Variants in CTIF observed in about 807,000 individuals in gnomAD.
The protein encoded by CTIF is CBP80/20-dependent translation initiation factor.
Under a neutral mutation model 66.0 loss-of-function variants are expected in CTIF, and 21 were observed. The observed-to-expected ratio is 0.32, with a 90% CI of 0.23 to 0.46. CTIF has a LOEUF of 0.46. Among genes scored for constraint, CTIF ranks in the 20% least tolerant of loss-of-function variants. The pLI is 1.00. For synonymous variants in CTIF, 345 were observed against 326.4 expected (o/e 1.06, Z -0.62); for missense variants, 739 against 812.7 (o/e 0.91, Z 1.10).
At chr18:48,806,335 C>T (rs1414681290) in intron 9 of CTIF, among the ~76,000 whole-genome samples, 3 of 152,132 alleles carry the variant, frequency 2.0e-5, no homozygotes, top group Non-Finnish European at 2.9e-5. Flanking sequence ...CATGGTCTGT[C>T]CCTCCCACAT....
At chr18:48,603,970 T>C (rs1355875016) in intron 1 of CTIF, among the ~76,000 whole-genome samples, 1 of 150,942 alleles carries the variant, frequency 6.6e-6, no homozygotes, top group Admixed American at 6.6e-5. Flanking sequence ...TGCCTCAGCC[T>C]CTCGAGTAGC....
intron 9 of CTIF, among the ~76,000 whole-genome samples, chr18:48,783,292 A>G (rs1237288614): frequency 3.3e-5 from 5 of 152,194 alleles, no homozygotes; most frequent in Non-Finnish European, 7.3e-5. Context: ...AATGACTTGA[A>G]AAGTCGTCGA....
intron 2 of CTIF, among the ~76,000 whole-genome samples, chr18:48,623,615 T>A (rs1209745942): frequency 6.7e-6 from 1 of 149,934 alleles, no homozygotes; most frequent in Non-Finnish European, 1.5e-5. Context: ...ACTCAGGGAA[T>A]GTTCCTGTCT....
chr18:48,699,688 G>A lies in CTIF; in HGVS notation c.508-11931G>A, dbSNP rs539621638. 7.9e-5 allele frequency among the ~76,000 whole-genome samples: 12 copies of A among 152,312 alleles called. No homozygotes were observed. In the East Asian group the frequency reaches 2.3e-3, roughly 29 times the overall value. On this transcript the variant is annotated intron_variant, in intron 6 of 11. Coordinates refer to ENST00000256413, the MANE Select transcript of CTIF (RefSeq NM_014772.3). ...CCCAGGGGTCTCCACATGCAGCGGG[G>A]CATTCTTGAGCTGGGCTGTCGACAT...
intron 3 of CTIF, among the ~76,000 whole-genome samples, chr18:48,657,819 C>G (rs2091269864): frequency 6.6e-6 from 1 of 152,142 alleles, no homozygotes; most frequent in South Asian, 2.1e-4. Context: ...AAATATAACT[C>G]CATACATGCT....
At chr18:48,644,188 T>G (rs1344606431) in intron 3 of CTIF, among the ~76,000 whole-genome samples, 2 of 152,174 alleles carry the variant, frequency 1.3e-5, no homozygotes, top group Non-Finnish European at 2.9e-5. Context: ...GTCATTCCTT[T>G]GTTTATTTAT....
At chr18:48,733,573 C>T (rs1015032558) in intron 7 of CTIF, among the ~76,000 whole-genome samples, 2 of 152,202 alleles carry the variant, frequency 1.3e-5, no homozygotes, top group Admixed American at 6.5e-5. Context: ...GGTCTCTGGC[C>T]CCCCTCCCTG....
intron 5 of CTIF, among the ~76,000 whole-genome samples, chr18:48,666,586 ACT>A (rs968841534): frequency 5.7e-4 from 86 of 151,798 alleles, no homozygotes; most frequent in African/African-American, 2.0e-3. Context: ...CTTGCATCCG[ACT>A]CTCCCAGGAG....
chr18:48,677,491 C>T (rs1207057861), intron 6 of CTIF, among the ~76,000 whole-genome samples: 2 of 152,194 alleles, frequency 1.3e-5, no homozygotes, highest in African/African-American at 4.8e-5. Context: ...CACTAGCGAA[C>T]ATTCACAGAG....
intron 9 of CTIF, among the ~76,000 whole-genome samples, chr18:48,806,027 C>G (rs1314692433): frequency 1.3e-5 from 2 of 152,160 alleles, no homozygotes; most frequent in Admixed American, 1.3e-4. Flanking sequence ...AGACATCAGA[C>G]CTAGTGGAGG....
Position 48,859,485 on chromosome 18 carries a change from G to C in CTIF, c.1723G>C (p.Ala575Pro). Residue 575 changes from alanine (A) to proline (P), a missense_variant, in exon 12 of 12, where the codon GCT (alanine) becomes CCT (proline). This residue lies in a region of CTIF where 210 missense variants were observed against 292.3 expected (regional missense o/e 0.72). Coordinates refer to ENST00000256413, the MANE Select transcript of CTIF (RefSeq NM_014772.3). ...SLLLEVIELH[A>P]NSWNPLTPPI... ...GCTCCTAGAGGTCATCGAGCTCCACGCTAACAGCTGGAACCCTCTGACGCC... is the reference window on the plus strand; with the variant it reads ...GCTCCTAGAGGTCATCGAGCTCCACCCTAACAGCTGGAACCCTCTGACGCC... The C allele has an allele frequency of 6.2e-7, 1 of 1,614,172 alleles. No individual in the cohort carries two copies. Among genetic ancestry groups the C allele is most frequent in the Non-Finnish European group, 8.5e-7 (1 of 1,180,044 alleles).
At chr18:48,737,436 C>T (rs2092512821) in intron 7 of CTIF, among the ~76,000 whole-genome samples, 1 of 152,240 alleles carries the variant, frequency 6.6e-6, no homozygotes, top group Admixed American at 6.5e-5. Flanking sequence ...AGCTGCTGCA[C>T]ATGGAATTCT....
chr18:48,671,320 G>A (rs1039019117), intron 6 of CTIF, among the ~76,000 whole-genome samples: 6 of 152,160 alleles, frequency 3.9e-5, no homozygotes, highest in Admixed American at 6.5e-5. Flanking sequence ...GAAACAGCAG[G>A]AGTCTAGCTG....
rs374167893 is a variant in CTIF at position 48,858,309 on chromosome 18, A to C, written c.1581+668A>C. ...ACTGAGGAGCTCAGAGGCCAGAAGC[A>C]CTGGGAGCCAGATGGCAGTCTTGGG... On this transcript the variant is annotated intron_variant, in intron 11 of 11. Coordinates refer to ENST00000256413, the MANE Select transcript of CTIF (RefSeq NM_014772.3). 8.5e-4 allele frequency among the ~76,000 whole-genome samples: 129 copies of C among 152,366 alleles called. 2 individuals are homozygous for C. The South Asian group carries it at 0.023, about 27-fold the overall frequency.
chr18:48,553,454 G>A (rs951152342), intron 1 of CTIF, among the ~76,000 whole-genome samples: 11 of 152,300 alleles, frequency 7.2e-5, no homozygotes, highest in Admixed American at 2.0e-4. Flanking sequence ...GGTGAGGAGC[G>A]GGTGATGGGG....
intron 9 of CTIF, among the ~76,000 whole-genome samples, chr18:48,803,240 C>T (rs1469095683): frequency 3.9e-5 from 6 of 152,248 alleles, no homozygotes; most frequent in Non-Finnish European, 7.3e-5. Flanking sequence ...TGGCTGTTCC[C>T]AGCCACAGTG....
At chr18:48,753,867 C>T (rs1183309719) in intron 7 of CTIF, among the ~76,000 whole-genome samples, 3 of 152,246 alleles carry the variant, frequency 2.0e-5, no homozygotes, top group Non-Finnish European at 4.4e-5. Context: ...AGCGGCTCAT[C>T]CCTGGCCCAG....
chr18:48,711,168 C>T (rs946740362), intron 6 of CTIF, among the ~76,000 whole-genome samples: 1 of 152,160 alleles, frequency 6.6e-6, no homozygotes, highest in African/African-American at 2.4e-5. Flanking sequence ...CCTTGGTCCT[C>T]TAGCAGCCCA....
intron 3 of CTIF, among the ~76,000 whole-genome samples, chr18:48,661,252 G>A (rs1234696954): frequency 6.6e-6 from 1 of 152,192 alleles, no homozygotes; most frequent in African/African-American, 2.4e-5. Context: ...GAGAACATTG[G>A]GTATTTAACA....
Sources: gnomAD v4.1 joint callset for allele counts (sites outside exome capture counted in the v4.1 genomes callset) on GRCh38, gnomAD v4.1.1 for gene constraint, gnomAD v4.1.1 regional missense constraint, MANE v1.5 for transcripts, NCBI Gene and HGNC (gene_info 2026-07-23, HGNC 2026-07-21) for gene names.